The following SNX29 variants were observed in gnomAD, a reference collection of about 807,000 sequenced individuals.
SNX29 encodes sorting nexin-29.
Under a neutral mutation model 102.1 loss-of-function variants are expected in SNX29, and 78 were observed. That is an observed-to-expected ratio of 0.76 (90% confidence interval 0.64 to 0.92). The LOEUF is 0.92. Ranked by LOEUF, SNX29 falls within the 40% of genes least tolerant of loss-of-function variation. The pLI, the probability that SNX29 is intolerant of heterozygous loss-of-function variation, is 0.00. For synonymous variants in SNX29, 580 were observed against 414.5 expected (o/e 1.40, Z -4.85); for missense variants, 1,280 against 1,061.7 (o/e 1.21, Z -2.86).
intron 16 of SNX29, among the ~76,000 whole-genome samples, chr16:12,356,756 T>C (rs915974503): frequency 3.3e-5 from 5 of 152,250 alleles, no homozygotes; most frequent in Non-Finnish European, 7.3e-5. Flanking sequence ...ACTGCTGATA[T>C]TTTGGATCAT....
chr16:12,155,841 G>T (rs2055524825), intron 13 of SNX29, among the ~76,000 whole-genome samples: 1 of 152,176 alleles, frequency 6.6e-6, no homozygotes, highest in Non-Finnish European at 1.5e-5. Flanking sequence ...GCAAGGAAGG[G>T]TCCCATGCTA....
chr16:12,529,467 A>G (rs2076874313), intron 20 of SNX29, among the ~76,000 whole-genome samples: 1 of 152,224 alleles, frequency 6.6e-6, no homozygotes, highest in African/African-American at 2.4e-5. Context: ...CAAATCGGTG[A>G]CAGCTTCAGT....
chr16:12,570,120 A>C lies in SNX29; in HGVS notation c.*1491A>C, dbSNP rs745161. 440 of 1,031,536 alleles carry C rather than the reference A, an allele frequency of 4.3e-4. 2 individuals are homozygous for C. In the East Asian group the frequency reaches 0.02, roughly 46 times the overall value. The allele number at this position is 1,031,536 out of a possible 1,614,324, so 63.9% of individuals were successfully genotyped here. ...CTCGTAGCAAAAAGGAAGATTGTTC[A>C]TGGCCTTTAAGGAAGGCTGAGATCA... On this transcript the variant is annotated 3_prime_UTR_variant, in exon 21 of 21. Coordinates refer to ENST00000566228, the MANE Select transcript of SNX29 (RefSeq NM_032167.5).
chr16:12,193,079 C>T (rs2141915901), intron 13 of SNX29, among the ~76,000 whole-genome samples: 1 of 152,348 alleles, frequency 6.6e-6, no homozygotes, highest in East Asian at 1.9e-4. Flanking sequence ...AGGTGATCCT[C>T]CTGCCTCAGC....
At chr16:12,544,826 C>A (rs1444764791) in intron 20 of SNX29, among the ~76,000 whole-genome samples, 1 of 152,324 alleles carries the variant, frequency 6.6e-6, no homozygotes, top group Middle Eastern at 3.4e-3. Context: ...ACTGCTTCAG[C>A]AAGAACTCCT....
intron 8 of SNX29, 95 bp downstream of exon 8, chr16:12,052,317 A>C (rs781114814): frequency 3.5e-5 from 50 of 1,416,332 alleles, no homozygotes; most frequent in Non-Finnish European, 2.9e-6. Flanking sequence ...CCCGGGTTCA[A>C]GCTATTCTCC....
chr16:12,316,580 G>A (rs1312273655), intron 15 of SNX29, among the ~76,000 whole-genome samples: 2 of 152,034 alleles, frequency 1.3e-5, no homozygotes, highest in African/African-American at 2.4e-5. Context: ...TACCCAAATC[G>A]GGATCTTGCT....
intron 20 of SNX29, among the ~76,000 whole-genome samples, chr16:12,543,206 G>A (rs775072041): frequency 6.6e-6 from 1 of 152,174 alleles, no homozygotes; most frequent in Non-Finnish European, 1.5e-5. Context: ...TATTCATCAC[G>A]TTGCTCCTGA....
chr16:12,030,389 G>C (rs1191252911), intron 4 of SNX29, among the ~76,000 whole-genome samples: 1 of 152,174 alleles, frequency 6.6e-6, no homozygotes, highest in African/African-American at 2.4e-5. Flanking sequence ...ATCCATATGT[G>C]TTCCTGTGTT....
intron 8 of SNX29, among the ~76,000 whole-genome samples, chr16:12,054,627 A>G (rs1309003175): frequency 6.6e-6 from 1 of 152,204 alleles, no homozygotes; most frequent in Non-Finnish European, 1.5e-5. Context: ...CTCAGGCTTC[A>G]GACTTGGACT....
intron 20 of SNX29, among the ~76,000 whole-genome samples, chr16:12,553,177 A>G (rs1399439088): frequency 6.6e-6 from 1 of 152,194 alleles, no homozygotes; most frequent in Non-Finnish European, 1.5e-5. Flanking sequence ...TGGATCTTTA[A>G]GTCAGTATAC....
intron 15 of SNX29, among the ~76,000 whole-genome samples, chr16:12,346,992 C>T (rs1364615350): frequency 6.6e-6 from 1 of 152,230 alleles, no homozygotes; most frequent in Non-Finnish European, 1.5e-5. Flanking sequence ...CTCTGCTTCT[C>T]AGAGGCGTCC....
chr16:12,382,722 C>G (rs1435564356), intron 16 of SNX29, among the ~76,000 whole-genome samples: 1 of 152,200 alleles, frequency 6.6e-6, no homozygotes, highest in Non-Finnish European at 1.5e-5. Flanking sequence ...TGTGTTCCCC[C>G]TGGAGGCTCT....
At chr16:12,495,672 A>G (rs1352479986) in intron 19 of SNX29, among the ~76,000 whole-genome samples, 2 of 152,202 alleles carry the variant, frequency 1.3e-5, no homozygotes, top group East Asian at 3.8e-4. Context: ...TCCAGTTTGT[A>G]TTTTGGAGAT....
In SNX29 at chr16:12,276,055, G is replaced by A. The variant is rs2079240773; in HGVS notation, c.1679-1878G>A. 7.9e-5 allele frequency among the ~76,000 whole-genome samples: 12 copies of A among 151,976 alleles called. No individual in the cohort carries two copies. In the South Asian group the frequency reaches 2.5e-3, roughly 32 times the overall value. On this transcript the variant is annotated intron_variant, in intron 14 of 20. Transcript: ENST00000566228. ...TTGCAGGAGCATGCCACCATGTCCA[G>A]CTGATTTTTGTATTTTTAGTAGAGA... is the stretch of plus-strand genomic sequence containing the variant.
chr16:12,214,518 T>G (rs1011032405), intron 14 of SNX29, among the ~76,000 whole-genome samples: 1 of 152,234 alleles, frequency 6.6e-6, no homozygotes, highest in African/African-American at 2.4e-5. Context: ...CATTTTGTTT[T>G]GCTCGAGTGG....
At chr16:12,411,818 T>C (rs1337201315) in intron 18 of SNX29, among the ~76,000 whole-genome samples, 2 of 152,206 alleles carry the variant, frequency 1.3e-5, no homozygotes, top group Non-Finnish European at 2.9e-5. Context: ...TGTGATGACA[T>C]ATGAAATGCT....
At chr16:12,443,415 C>G (rs2085899162) in intron 18 of SNX29, 2 of 158,136 alleles carry the variant, frequency 1.3e-5, no homozygotes, top group Non-Finnish European at 2.8e-5. Context: ...ACAATCCTCA[C>G]TGCACCCCAA....
chr16:12,541,329 T>G (rs1023246992), intron 20 of SNX29, among the ~76,000 whole-genome samples: 5 of 152,140 alleles, frequency 3.3e-5, no homozygotes, highest in African/African-American at 4.8e-5. Context: ...GACTTCTGAG[T>G]GCCAGAATTA....
Sources: allele counts gnomAD v4.1 joint callset (sites outside exome capture counted in the v4.1 genomes callset), GRCh38; gene constraint gnomAD v4.1.1; transcripts MANE v1.5; gene names NCBI Gene and HGNC (gene_info 2026-07-23, HGNC 2026-07-21).